Variants in LRP12 observed in about 807,000 individuals in gnomAD.
LRP12 encodes the protein LDL receptor related protein 12.
Under a neutral mutation model 66.0 loss-of-function variants are expected in LRP12, and 14 were observed. The observed-to-expected ratio is 0.21, with a 90% confidence interval of 0.14 to 0.33. LRP12 has a LOEUF of 0.33. LRP12 is among the 10% of genes least tolerant of loss of function. The pLI, the probability that LRP12 is intolerant of heterozygous loss-of-function variation, is 1.00. For synonymous variants in LRP12, 357 were observed against 359.1 expected, an observed-to-expected ratio of 0.99 and a Z score of 0.07; for missense variants, 889 against 1,053.4, an observed-to-expected ratio of 0.84 and a Z score of 2.16.
At chr8:104,508,027 C>G (rs1810934419) in intron 3 of LRP12, 1 of 152,156 alleles carries the variant, frequency 6.6e-6, no homozygotes, top group African/African-American at 2.4e-5. Context: ...TCTTCTAAAT[C>G]TAAAATTCTA....
chr8:104,574,838 A>G (rs1352144350), intron 1 of LRP12, among the ~76,000 whole-genome samples: 1 of 152,130 alleles, frequency 6.6e-6, no homozygotes, highest in Non-Finnish European at 1.5e-5. Context: ...AAATGTGGTT[A>G]ATAGAAAATT....
intron 1 of LRP12, among the ~76,000 whole-genome samples, chr8:104,579,108 G>A (rs1812207994): frequency 6.6e-6 from 1 of 152,000 alleles, no homozygotes; most frequent in African/African-American, 2.4e-5. Context: ...AATAAATAAA[G>A]CGCATCTAAA....
rs1812390469 is a variant in LRP12 at position 104,588,993 on chromosome 8, G to GCCGCCGCCA, written c.-97_-96insTGGCGGCGG. On this transcript the variant is annotated 5_prime_UTR_variant, in exon 1 of 7. Transcript: ENST00000276654. Reference sequence around the variant, plus strand: ...CGACGCCGCCGCCGCCGCCGCCGCCGCCGCCGAGCCACCGGCTGCTCCCTG... The same window carrying GCCGCCGCCA: ...CGACGCCGCCGCCGCCGCCGCCGCCGCCGCCGCCACCGCCGAGCCACCGGCTGCTCCCTG... 8.8e-6 allele frequency: 8 copies of GCCGCCGCCA among 904,868 alleles called. No homozygotes were observed. Among genetic ancestry groups the GCCGCCGCCA allele is most frequent in the Non-Finnish European group, 1.3e-5 (8 of 608,502 alleles). The allele number at this position is 904,868 out of a possible 1,614,324, so 56.1% of individuals were successfully genotyped here. A position where few individuals can be genotyped will look rare whatever the true frequency, so the allele number is the denominator to read the frequency against.
At chr8:104,588,737 G>C (rs1225576690) in intron 1 of LRP12, 82 bp downstream of exon 1, 1 of 1,253,390 alleles carries the variant, frequency 8.0e-7, no homozygotes, top group Non-Finnish European at 1.1e-6. Flanking sequence ...AGTCTCCAGG[G>C]GAACCCCCGT....
At chr8:104,517,186 A>G (rs1588489231) in intron 2 of LRP12, among the ~76,000 whole-genome samples, 1 of 150,288 alleles carries the variant, frequency 6.7e-6, no homozygotes, top group Non-Finnish European at 1.5e-5. Context: ...AGTTAATATG[A>G]CAGCATACCA....
chr8:104,557,331 G>A (rs1321658133), intron 1 of LRP12, among the ~76,000 whole-genome samples: 1 of 152,134 alleles, frequency 6.6e-6, no homozygotes, highest in African/African-American at 2.4e-5. Context: ...TAAAAAGGGA[G>A]TCAAACTGTC....
intron 2 of LRP12, among the ~76,000 whole-genome samples, chr8:104,526,195 T>C (rs1280875669): frequency 1.3e-5 from 2 of 151,812 alleles, no homozygotes; most frequent in African/African-American, 4.8e-5. Flanking sequence ...TACAAACAAA[T>C]GGAAGAACAT....
At chr8:104,555,356 A>AAATC (rs1811789819) in intron 1 of LRP12, among the ~76,000 whole-genome samples, 2 of 152,164 alleles carry the variant, frequency 1.3e-5, no homozygotes, top group African/African-American at 4.8e-5. Flanking sequence ...TAAATCCTCC[A>AAATC]CTTAGAAGAC....
intron 1 of LRP12, among the ~76,000 whole-genome samples, chr8:104,553,862 C>T (rs1054174168): frequency 2.6e-5 from 4 of 152,172 alleles, no homozygotes; most frequent in African/African-American, 4.8e-5. Context: ...CAATCAAGGA[C>T]CCTCACAGAG....
At chr8:104,498,719 T>G (rs957579398) in intron 4 of LRP12, among the ~76,000 whole-genome samples, 1 of 152,238 alleles carries the variant, frequency 6.6e-6, no homozygotes, top group African/African-American at 2.4e-5. Context: ...ATAAATGGAA[T>G]GATTTAACAG....
At chr8:104,501,292 T>G (rs1332316351) in intron 3 of LRP12, among the ~76,000 whole-genome samples, 1 of 152,148 alleles carries the variant, frequency 6.6e-6, no homozygotes, top group Non-Finnish European at 1.5e-5. Context: ...TACACTTCCC[T>G]GAAGACAAAT....
At chr8:104,565,726 T>A (rs1811987834) in intron 1 of LRP12, among the ~76,000 whole-genome samples, 1 of 149,990 alleles carries the variant, frequency 6.7e-6, no homozygotes, top group South Asian at 2.1e-4. Flanking sequence ...CCAGGTGTGG[T>A]GGTGGGCGCC....
intron 2 of LRP12, among the ~76,000 whole-genome samples, chr8:104,524,453 T>C (rs989694629): frequency 6.6e-6 from 1 of 152,068 alleles, no homozygotes; most frequent in African/African-American, 2.4e-5. Flanking sequence ...GTCAACTGTA[T>C]ATGAATATGT....
Position 104,577,810 on chromosome 8 carries a change from C to CAAA in LRP12, c.79+11006_79+11008dup, listed in dbSNP as rs34298645. 1.1e-3 allele frequency among the ~76,000 whole-genome samples: 126 copies of CAAA among 111,016 alleles called. 2 individuals are homozygous for CAAA. Among genetic ancestry groups the CAAA allele is most frequent in the African/African-American group, 1.4e-3 (41 of 28,430 alleles). The allele number at this position is 111,016 out of a possible 152,430, so 72.8% of individuals were successfully genotyped here. A position where few individuals can be genotyped will look rare whatever the true frequency, so the allele number is the denominator to read the frequency against. ...TGGGTAACAGAACGAGACTCCATCTCAAAAAAAAAAAAAAAAAGAAAAAGA... is the reference window on the plus strand; with the variant it reads ...TGGGTAACAGAACGAGACTCCATCTCAAAAAAAAAAAAAAAAAAAAGAAAAAGA... On this transcript the variant is annotated intron_variant, in intron 1 of 6. Coordinates refer to ENST00000276654, the MANE Select transcript of LRP12 (RefSeq NM_013437.5).
chr8:104,523,060 A>G (rs997059317), intron 2 of LRP12, among the ~76,000 whole-genome samples: 1 of 152,154 alleles, frequency 6.6e-6, no homozygotes, highest in Admixed American at 6.6e-5. Context: ...TTTCACTTTC[A>G]GAAATGTATG....
At chr8:104,510,416 A>G (rs955364576) in intron 2 of LRP12, among the ~76,000 whole-genome samples, 1 of 152,234 alleles carries the variant, frequency 6.6e-6, no homozygotes, top group Non-Finnish European at 1.5e-5. Context: ...TGCATATCAC[A>G]GAGGAAAATC....
intron 2 of LRP12, among the ~76,000 whole-genome samples, chr8:104,509,835 C>T (rs1415310395): frequency 6.6e-6 from 1 of 152,110 alleles, no homozygotes; most frequent in African/African-American, 2.4e-5. Context: ...AGTTAATGGC[C>T]GCAGTACCTA....
chr8:104,494,958 T>C (rs1374539709), intron 6 of LRP12, 119 bp downstream of exon 6: 5 of 798,150 alleles, frequency 6.3e-6, no homozygotes, highest in East Asian at 2.5e-5. Context: ...AAATCTTCCA[T>C]ACATTTAAAT....
At position 104,491,591 on chromosome 8, in the gene LRP12, A is replaced by T. The variant is rs1435792936; in HGVS notation, c.1714-52T>A. ...ATAGTTAACAACAAGGTACTAAGAT[A>T]AAAAAAAAAAAAAACACCCTTCTAT... On this transcript the variant is annotated intron_variant, in intron 6 of 6. Transcript: ENST00000276654. 1.3e-5 allele frequency: 9 copies of T among 690,586 alleles called. No individual in the cohort carries two copies. The Admixed American group carries it at 2.3e-4, about 17-fold the overall frequency. The allele number at this position is 690,586 out of a possible 1,614,324, so 42.8% of individuals were successfully genotyped here.
Sources: allele counts gnomAD v4.1 joint callset (sites outside exome capture counted in the v4.1 genomes callset), GRCh38; gene constraint gnomAD v4.1.1; transcripts MANE v1.5; gene names NCBI Gene and HGNC (gene_info 2026-07-23, HGNC 2026-07-21).